Variants in ESR2 observed in about 807,000 individuals in gnomAD.
The protein encoded by ESR2 is estrogen receptor 2.
Under a neutral mutation model 49.6 loss-of-function variants are expected in ESR2, and 36 were observed. The ratio of observed to expected loss-of-function variants is 0.73; its 90% CI spans 0.56 to 0.96. ESR2 has a LOEUF of 0.96. Ranked by LOEUF, ESR2 falls within the 40% of genes least tolerant of loss-of-function variation. ESR2 has a pLI of 0.00. For missense variants in ESR2, 714 were observed against 693.0 expected, an observed-to-expected ratio of 1.03 and a Z score of -0.34; for synonymous variants, 320 against 266.1, an observed-to-expected ratio of 1.20 and a Z score of -1.97.
rs1030170471 is a variant in ESR2, at chr14:64,306,324, A to G, written c.-90-23249T>C. ...TTAATTTGTCTTTTTTCTCATCTAA[A>G]TGCTTCTGCTACTCCACTCCGTCCT... On this transcript the variant is annotated intron_variant, in intron 1 of 8. Transcript: ENST00000358599. 1.1e-4 allele frequency among the ~76,000 whole-genome samples: 17 copies of G among 152,212 alleles called. 1 individual carries two copies. The highest frequency in any genetic ancestry group is 9.8e-4 in the Admixed American group (15 of 15,278).
Position 64,229,958 on chromosome 14 carries a change from C to T in ESR2, c.*3179G>A, listed in dbSNP as rs1045220152. Among the ~76,000 whole-genome samples, 9 of 152,180 alleles carry T rather than the reference C, an allele frequency of 5.9e-5. No individual in the cohort carries two copies. The highest frequency in any genetic ancestry group is 2.1e-4 in the South Asian group (1 of 4,820). ...CTTTGGGAGGCCTTGGCAGGCAGATCGCTGGAGCCCAGGAGTTCAGGACCA... is the reference window on the plus strand; with the variant it reads ...CTTTGGGAGGCCTTGGCAGGCAGATTGCTGGAGCCCAGGAGTTCAGGACCA... On this transcript the variant is annotated 3_prime_UTR_variant, in exon 9 of 9. Coordinates refer to ENST00000341099, the MANE Select transcript of ESR2 (RefSeq NM_001437.3).
chr14:64,267,564 A>G (rs1256043), intron 4 of ESR2, among the ~76,000 whole-genome samples: 99,462 of 151,896 alleles, frequency 0.65, 34,161 homozygotes, highest in African/African-American at 0.88. Flanking sequence ...GAATGCTCAC[A>G]AGGCAAAGCT....
chr14:64,258,202 C>G (rs918708090), intron 5 of ESR2, among the ~76,000 whole-genome samples: 4 of 129,570 alleles, frequency 3.1e-5, no homozygotes, highest in African/African-American at 1.4e-4. Flanking sequence ...GAGCGAGACC[C>G]TGTCTCAAAA....
chr14:64,270,301 T>C (rs1454605674), intron 3 of ESR2, among the ~76,000 whole-genome samples: 1 of 152,054 alleles, frequency 6.6e-6, no homozygotes, highest in Non-Finnish European at 1.5e-5. Flanking sequence ...GGTAAAACCA[T>C]ACACAGCAAG....
At chr14:64,251,307 C>G (rs1352150805) in intron 6 of ESR2, among the ~76,000 whole-genome samples, 1 of 124,434 alleles carries the variant, frequency 8.0e-6, no homozygotes, top group African/African-American at 2.9e-5. Context: ...CTCTATGGGG[C>G]AAAAAAAAAA....
intron 1 of ESR2, among the ~76,000 whole-genome samples, chr14:64,286,785 G>A (rs1047602361): frequency 2.0e-5 from 3 of 151,424 alleles, no homozygotes; most frequent in African/African-American, 4.9e-5. Context: ...GTGTGATCTC[G>A]GCTCATTGCA....
intron 4 of ESR2, among the ~76,000 whole-genome samples, chr14:64,262,165 G>A (rs1277826363): frequency 6.9e-6 from 1 of 145,472 alleles, no homozygotes; most frequent in Non-Finnish European, 1.5e-5. Context: ...CTGAAGTATG[G>A]TGGTACAGTC....
At chr14:64,290,086 G>A (rs934963632) in intron 1 of ESR2, among the ~76,000 whole-genome samples, 1 of 152,054 alleles carries the variant, frequency 6.6e-6, no homozygotes, top group African/African-American at 2.4e-5. Context: ...TTTTTGGGGG[G>A]TGGGGGTTAT....
At chr14:64,309,595 G>T (rs1299969694) in intron 1 of ESR2, among the ~76,000 whole-genome samples, 1 of 92,616 alleles carries the variant, frequency 1.1e-5, no homozygotes, top group Non-Finnish European at 2.0e-5. Context: ...CAACAAGAGT[G>T]AAACTCCATC....
At chr14:64,282,255 G>T (rs1243920305) in intron 2 of ESR2, among the ~76,000 whole-genome samples, 5 of 152,166 alleles carry the variant, frequency 3.3e-5, no homozygotes, top group Non-Finnish European at 1.5e-5. Context: ...TAAGGCACGA[G>T]AATTGCTTGA....
chr14:64,315,088 A>G (rs973732556), intron 1 of ESR2, among the ~76,000 whole-genome samples: 1 of 149,632 alleles, frequency 6.7e-6, no homozygotes, highest in Admixed American at 6.7e-5. Context: ...TACTAAAAAT[A>G]CAAAAATTAG....
At chr14:64,269,600 A>G (rs978856382) in intron 3 of ESR2, among the ~76,000 whole-genome samples, 13 of 152,124 alleles carry the variant, frequency 8.5e-5, no homozygotes, top group Admixed American at 3.9e-4. Context: ...TGGCCTCTTG[A>G]GCTCCTGTGA....
intron 1 of ESR2, among the ~76,000 whole-genome samples, chr14:64,327,461 C>G (rs964431250): frequency 9.8e-6 from 1 of 101,676 alleles, no homozygotes; most frequent in African/African-American, 3.6e-5. Flanking sequence ...TTTGGGAGGC[C>G]AAAGTGGGCA....
intron 5 of ESR2, among the ~76,000 whole-genome samples, chr14:64,258,205 T>C (rs1203924556): frequency 8.5e-6 from 1 of 117,918 alleles, no homozygotes; most frequent in Non-Finnish European, 1.7e-5. Flanking sequence ...CGAGACCCTG[T>C]CTCAAAAATA....
intron 7 of ESR2, among the ~76,000 whole-genome samples, chr14:64,238,924 G>A (rs188093444): frequency 1.8e-4 from 28 of 152,218 alleles, no homozygotes; most frequent in African/African-American, 6.7e-4. Context: ...ACAGTGGTGG[G>A]GGACAGCCAC....
intron 7 of ESR2, among the ~76,000 whole-genome samples, chr14:64,236,569 C>G (rs1178639544): frequency 6.6e-6 from 1 of 152,128 alleles, no homozygotes; most frequent in African/African-American, 2.4e-5. Context: ...CTCCCCGCTT[C>G]TCTCATCTGC....
chr14:64,228,939 G>A lies in ESR2; in HGVS notation c.*4198C>T, dbSNP rs2098724778. 6.6e-6 allele frequency among the ~76,000 whole-genome samples: 1 copy of A among 152,178 alleles called. No individual in the cohort carries two copies. Among genetic ancestry groups the A allele is most frequent in the Non-Finnish European group, 1.5e-5 (1 of 68,022 alleles). Reference sequence around the variant, plus strand: ...AGTTTGAGAGCTATAAAGAATAAGTGGCACGTGTTTTCACACTGTAGTATA... The same window carrying A: ...AGTTTGAGAGCTATAAAGAATAAGTAGCACGTGTTTTCACACTGTAGTATA... On this transcript the variant is annotated 3_prime_UTR_variant, in exon 9 of 9. Coordinates refer to ENST00000341099, the MANE Select transcript of ESR2 (RefSeq NM_001437.3).
rs1033614938 is a variant in ESR2, at chr14:64,259,667, A to C, written c.952+782T>G. ...AAACGCAGGTTCCAAGTGACAACTC[A>C]TGAGTAACTAAGCTCATTTTTAACT... On this transcript the variant is annotated intron_variant, in intron 5 of 8. Transcript: ENST00000341099. 3.3e-5 allele frequency among the ~76,000 whole-genome samples: 5 copies of C among 152,216 alleles called. 1 individual carries two copies. The highest frequency in any genetic ancestry group is 7.3e-5 in the Non-Finnish European group (5 of 68,030).
chr14:64,325,356 G>A (rs2077375969), intron 1 of ESR2, among the ~76,000 whole-genome samples: 1 of 152,136 alleles, frequency 6.6e-6, no homozygotes, highest in Non-Finnish European at 1.5e-5. Flanking sequence ...TTCATGAAAT[G>A]ATGAATTTGC....
Sources: gnomAD v4.1 joint callset for allele counts (sites outside exome capture counted in the v4.1 genomes callset) on GRCh38, gnomAD v4.1.1 for gene constraint, MANE v1.5 for transcripts, NCBI Gene and HGNC (gene_info 2026-07-23, HGNC 2026-07-21) for gene names.